The following DTNA variants were observed in gnomAD, a reference collection of about 807,000 sequenced individuals.
The protein encoded by DTNA is dystrobrevin alpha.
Under a neutral mutation model 100.7 loss-of-function variants are expected in DTNA, and 43 were observed. That is an observed-to-expected ratio of 0.43 (90% CI 0.33 to 0.55). DTNA has a LOEUF of 0.55. Among genes scored for constraint, DTNA ranks in the 20% least tolerant of loss-of-function variants. DTNA has a pLI of 0.04. For missense variants in DTNA, 798 were observed against 953.9 expected (o/e 0.84, Z 2.15); for synonymous variants, 349 against 347.9 (o/e 1.00, Z -0.04).
At chr18:34,697,079 C>T (rs768435101) in intron 1 of DTNA, among the ~76,000 whole-genome samples, 64 of 152,282 alleles carry the variant, frequency 4.2e-4, no homozygotes, top group Non-Finnish European at 7.9e-4. Flanking sequence ...TCTAGCCCAA[C>T]GTATCAATAG....
rs187015052 is a variant in DTNA, at chr18:34,603,567, A to G, written c.-2+110053A>G. On this transcript the variant is annotated intron_variant, in intron 1 of 19. Transcript: ENST00000283365. ...TAAATGGCATTGATTTTCAACACCA[A>G]CAGAAATCAAACTTTAAATTGACAG... is the stretch of plus-strand genomic sequence containing the variant. Among the ~76,000 whole-genome samples, 473 of 152,264 alleles carry G rather than the reference A, an allele frequency of 3.1e-3. 2 individuals carry two copies. Among genetic ancestry groups the G allele is most frequent in the African/African-American group, 0.01 (427 of 41,548 alleles).
chr18:34,533,828 G>A (rs966005935), intron 1 of DTNA, among the ~76,000 whole-genome samples: 5 of 152,078 alleles, frequency 3.3e-5, no homozygotes, highest in African/African-American at 9.7e-5. Context: ...TGGTACAGAT[G>A]GAAATCTTAT....
chr18:34,498,482 AT>A (rs915381974), intron 1 of DTNA, among the ~76,000 whole-genome samples: 3 of 145,082 alleles, frequency 2.1e-5, no homozygotes, highest in Non-Finnish European at 3.0e-5. Context: ...AATAATAATA[AT>A]TTAATCACCT....
intron 1 of DTNA, among the ~76,000 whole-genome samples, chr18:34,678,280 G>A (rs986609155): frequency 6.6e-6 from 1 of 152,148 alleles, no homozygotes. Flanking sequence ...TTTTGTTATA[G>A]AATTTTCTTT....
At chr18:34,531,812 A>G (rs945495831) in intron 1 of DTNA, among the ~76,000 whole-genome samples, 1 of 152,176 alleles carries the variant, frequency 6.6e-6, no homozygotes, top group African/African-American at 2.4e-5. Context: ...GAAACAAAGA[A>G]TGATAATACT....
At chr18:34,671,486 G>T (rs563586445) in intron 1 of DTNA, among the ~76,000 whole-genome samples, 5 of 152,154 alleles carry the variant, frequency 3.3e-5, no homozygotes, top group South Asian at 4.1e-4. Flanking sequence ...CATTGCTCAC[G>T]CTGGGAGCTG....
intron 10 of DTNA, 167 bp from the exon 11 acceptor site, chr18:34,829,233 T>C: frequency 6.5e-7 from 1 of 1,538,052 alleles, no homozygotes; most frequent in Non-Finnish European, 8.7e-7. Context: ...ACAGTTGTGT[T>C]GTTTAAAGCT....
chr18:34,626,390 T>G (rs2147992242), intron 1 of DTNA, among the ~76,000 whole-genome samples: 1 of 152,148 alleles, frequency 6.6e-6, no homozygotes, highest in South Asian at 2.1e-4. Context: ...AAGAAAGATT[T>G]ATGTCCAAAA....
intron 1 of DTNA, among the ~76,000 whole-genome samples, chr18:34,755,214 C>T (rs2092692775): frequency 6.6e-6 from 1 of 152,184 alleles, no homozygotes; most frequent in South Asian, 2.1e-4. Context: ...CATGATTAAA[C>T]ATATCCATTA....
At chr18:34,740,804 G>GA (rs71379578) in intron 1 of DTNA, among the ~76,000 whole-genome samples, 18,377 of 143,090 alleles carry the variant, frequency 0.13, 1,655 homozygotes, top group African/African-American at 0.27. Context: ...TCAAAAACAG[G>GA]AAAAAAAAAA....
chr18:34,547,768 G>A lies in DTNA; in HGVS notation c.-2+54254G>A, dbSNP rs140464844. 4.1e-3 allele frequency among the ~76,000 whole-genome samples: 621 copies of A among 152,212 alleles called. 5 individuals are homozygous for A. The highest frequency in any genetic ancestry group is 5.9e-3 in the Non-Finnish European group (400 of 68,006). Reference sequence around the variant, plus strand: ...CACTTCTAAAAAGACATACGACTGAGCTTAAATGACAAAAGTTGGAATAGA... The same window carrying A: ...CACTTCTAAAAAGACATACGACTGAACTTAAATGACAAAAGTTGGAATAGA... On this transcript the variant is annotated intron_variant, in intron 1 of 19. Transcript: ENST00000283365.
At chr18:34,528,508 C>T (rs1318758365) in intron 1 of DTNA, among the ~76,000 whole-genome samples, 1 of 151,938 alleles carries the variant, frequency 6.6e-6, no homozygotes, top group East Asian at 1.9e-4. Flanking sequence ...ATATTTTTTT[C>T]CGACTTAAAT....
At chr18:34,806,134 A>G in intron 4 of DTNA, 85 bp from the exon 5 acceptor site, 1 of 1,186,758 alleles carries the variant, frequency 8.4e-7, no homozygotes, top group African/African-American at 1.5e-5. Context: ...AGAAAATGTC[A>G]AACCTTGTTG....
At chr18:34,624,472 A>C (rs1000638106) in intron 1 of DTNA, among the ~76,000 whole-genome samples, 1 of 152,210 alleles carries the variant, frequency 6.6e-6, no homozygotes, top group African/African-American at 2.4e-5. Context: ...TCTAGACTTT[A>C]ACATTATTTT....
chr18:34,771,355 G>A (rs376026215), intron 3 of DTNA, among the ~76,000 whole-genome samples: 14 of 151,842 alleles, frequency 9.2e-5, no homozygotes, highest in East Asian at 1.9e-4. Context: ...AATAATTAGC[G>A]GGGCGTGGTG....
intron 1 of DTNA, among the ~76,000 whole-genome samples, chr18:34,515,868 C>A (rs1435229615): frequency 5.5e-4 from 83 of 152,224 alleles, no homozygotes; most frequent in Non-Finnish European, 5.9e-5. Context: ...TCATGACGTG[C>A]TTGTGGAACA....
intron 2 of DTNA, among the ~76,000 whole-genome samples, chr18:34,760,479 A>T (rs1490408531): frequency 6.6e-6 from 1 of 152,200 alleles, no homozygotes; most frequent in Non-Finnish European, 1.5e-5. Context: ...CTCATGAGCC[A>T]GCTTATCCAA....
intron 1 of DTNA, among the ~76,000 whole-genome samples, chr18:34,702,388 G>A (rs535893238): frequency 6.6e-6 from 1 of 152,288 alleles, no homozygotes; most frequent in East Asian, 1.9e-4. Flanking sequence ...GACGATACAA[G>A]TCAGAAATCA....
intron 1 of DTNA, among the ~76,000 whole-genome samples, chr18:34,645,055 A>G (rs1448226233): frequency 6.6e-6 from 1 of 152,102 alleles, no homozygotes; most frequent in Non-Finnish European, 1.5e-5. Flanking sequence ...TCACTTTAAC[A>G]CTGGAAGAAA....
Sources: allele counts gnomAD v4.1 joint callset (sites outside exome capture counted in the v4.1 genomes callset), GRCh38; gene constraint gnomAD v4.1.1; transcripts MANE v1.5; gene names NCBI Gene and HGNC (gene_info 2026-07-23, HGNC 2026-07-21).